The following GUCA1C variants were observed in gnomAD, a reference collection of about 807,000 sequenced individuals.
GUCA1C encodes the protein guanylate cyclase activator 1C, also known as guanylyl cyclase-activating protein 3.
A neutral mutation model predicts 16.2 loss-of-function variants in GUCA1C; 15 were observed. The ratio of observed to expected loss-of-function variants is 0.93; its 90% confidence interval spans 0.62 to 1.43. GUCA1C has a LOEUF of 1.43. Among genes scored for constraint, GUCA1C ranks in the 40% most tolerant of loss-of-function variants. The pLI, the probability that GUCA1C is intolerant of heterozygous loss-of-function variation, is 0.00. For synonymous variants in GUCA1C, 78 were observed against 85.4 expected (o/e 0.91, Z 0.48); for missense variants, 275 against 244.8 (o/e 1.12, Z -0.82).
intron 3 of GUCA1C, among the ~76,000 whole-genome samples, chr3:108,915,515 C>T (rs944442085): frequency 1.3e-5 from 2 of 152,082 alleles, no homozygotes; most frequent in African/African-American, 4.8e-5. Context: ...ACTCCTACCT[C>T]TGAAGAAGAA....
At chr3:108,910,041 C>T (rs1946433790) in intron 3 of GUCA1C, among the ~76,000 whole-genome samples, 2 of 152,218 alleles carry the variant, frequency 1.3e-5, no homozygotes, top group African/African-American at 2.4e-5. Context: ...GCTCAGAAGG[C>T]ACACACTGAC....
intron 1 of GUCA1C, among the ~76,000 whole-genome samples, chr3:108,934,818 T>TTC (rs960539194): frequency 7.3e-6 from 1 of 136,862 alleles, no homozygotes; most frequent in Non-Finnish European, 1.6e-5. Flanking sequence ...CTTTTTTTTT[T>TTC]TTTTTTTTTT....
At chr3:108,910,710 G>T (rs193269776) in intron 3 of GUCA1C, among the ~76,000 whole-genome samples, 17 of 151,202 alleles carry the variant, frequency 1.1e-4, no homozygotes, top group African/African-American at 3.6e-4. Context: ...AGTGCAGTGG[G>T]GCTATCTCGG....
intron 3 of GUCA1C, chr3:108,915,893 C>T (rs781514763): frequency 2.2e-5 from 12 of 536,146 alleles, no homozygotes; most frequent in African/African-American, 5.7e-5. Context: ...CTCATCTCAC[C>T]TTTACTCTTT....
chr3:108,923,210 G>A (rs1946585840), intron 1 of GUCA1C, among the ~76,000 whole-genome samples: 1 of 152,104 alleles, frequency 6.6e-6, no homozygotes, highest in South Asian at 2.1e-4. Flanking sequence ...TGTTGCATTT[G>A]CTTTTGGATT....
chr3:108,939,517 G>A (rs1946763956), intron 1 of GUCA1C, among the ~76,000 whole-genome samples: 2 of 151,298 alleles, frequency 1.3e-5, no homozygotes, highest in African/African-American at 4.9e-5. Flanking sequence ...AGTAGAGACA[G>A]GGTTTCACCA....
rs145814001 is a variant in GUCA1C, at chr3:108,913,331, T to C, written c.442+2796A>G. On this transcript the variant is annotated intron_variant, in intron 3 of 3. Coordinates refer to ENST00000261047, the MANE Select transcript of GUCA1C (RefSeq NM_005459.4). Reference sequence around the variant, plus strand: ...AATGCTGATGTTTTGATAACAATGATAATGAACAATAAAAAATTATATTTG... The same window carrying C: ...AATGCTGATGTTTTGATAACAATGACAATGAACAATAAAAAATTATATTTG... Among the ~76,000 whole-genome samples, 263 of 152,126 alleles carry C rather than the reference T, an allele frequency of 1.7e-3. 2 individuals are homozygous for C. Among genetic ancestry groups the C allele is most frequent in the African/African-American group, 6.1e-3 (255 of 41,516 alleles).
chr3:108,928,601 G>C, intron 1 of GUCA1C, among the ~76,000 whole-genome samples: 1 of 152,112 alleles, frequency 6.6e-6, no homozygotes, highest in Non-Finnish European at 1.5e-5. Flanking sequence ...GATTCATTTT[G>C]AGTAAATTTT....
intron 1 of GUCA1C, among the ~76,000 whole-genome samples, chr3:108,946,524 A>G (rs6801753): frequency 0.19 from 28,434 of 152,092 alleles, 2,764 homozygotes; most frequent in Middle Eastern, 0.27. Flanking sequence ...GCCTCATTGT[A>G]ATCAGCCTGA....
intron 2 of GUCA1C, among the ~76,000 whole-genome samples, chr3:108,916,907 T>C (rs750792459): frequency 3.9e-5 from 6 of 152,208 alleles, no homozygotes; most frequent in Non-Finnish European, 7.3e-5. Flanking sequence ...TGAACATAAC[T>C]ATCTTGATTG....
At chr3:108,927,409 G>A (rs1017888525) in intron 1 of GUCA1C, among the ~76,000 whole-genome samples, 1 of 149,934 alleles carries the variant, frequency 6.7e-6, no homozygotes, top group Non-Finnish European at 1.5e-5. Context: ...ACTTCTTGGA[G>A]GTTCTGTTCA....
intron 1 of GUCA1C, among the ~76,000 whole-genome samples, chr3:108,946,991 T>C (rs940573722): frequency 1.3e-5 from 2 of 152,048 alleles, no homozygotes; most frequent in Admixed American, 1.3e-4. Flanking sequence ...TAATAATGTG[T>C]ATTTCAAAAT....
intron 1 of GUCA1C, among the ~76,000 whole-genome samples, chr3:108,935,615 G>C (rs1559846121): frequency 6.6e-6 from 1 of 152,040 alleles, no homozygotes; most frequent in Non-Finnish European, 1.5e-5. Flanking sequence ...AGAATCGCTT[G>C]AACCTGGGAG....
rs1351637922 is a variant in GUCA1C, at chr3:108,908,137, C to T, written c.515G>A (p.Ser172Asn). 4 of 1,613,788 alleles carry T rather than the reference C, an allele frequency of 2.5e-6. No individual in the cohort carries two copies. Among genetic ancestry groups the T allele is most frequent in the East Asian group, 2.2e-5 (1 of 44,870 alleles). The change falls in exon 4 of 4, where the codon AGC becomes AAC. Residue 172 changes from serine (S) to asparagine (N), a missense_variant. Physicochemically the swap from Ser to Asn is conservative, Grantham distance 46. Transcript: ENST00000261047. The part of the protein sequence containing the change: ...DQDLLEIVYK[S>N]FDFSNVLRVI... ...TCTCAGCACATTGGAGAAGTCGAAG[C>T]TCTTGTAAACAATCTCCAGGAGATC...
At chr3:108,928,907 T>C (rs1467693297) in intron 1 of GUCA1C, among the ~76,000 whole-genome samples, 7 of 152,198 alleles carry the variant, frequency 4.6e-5, no homozygotes, top group Admixed American at 3.9e-4. Context: ...TTCAATATTA[T>C]ATTGGCGATT....
At chr3:108,939,649 A>G (rs1297899188) in intron 1 of GUCA1C, among the ~76,000 whole-genome samples, 1 of 150,132 alleles carries the variant, frequency 6.7e-6, no homozygotes, top group Admixed American at 6.6e-5. Context: ...TTTTTTTTTA[A>G]CCAGGACTGT....
At chr3:108,915,850 C>T (rs111357443) in intron 3 of GUCA1C, 11 of 441,636 alleles carry the variant, frequency 2.5e-5, no homozygotes, top group Middle Eastern at 5.6e-4. Context: ...GCAGAAGGTA[C>T]TTACTTCATC....
chr3:108,931,351 A>G (rs1366885177), intron 1 of GUCA1C, among the ~76,000 whole-genome samples: 1 of 152,236 alleles, frequency 6.6e-6, no homozygotes, highest in Non-Finnish European at 1.5e-5. Flanking sequence ...TCAGGCTTTA[A>G]GAGCTCTGGG....
chr3:108,953,681 T>C lies in GUCA1C; in HGVS notation c.82A>G (p.Met28Val). 1 of 1,612,884 alleles carries C rather than the reference T, an allele frequency of 6.2e-7. No homozygotes were observed. The highest frequency in any genetic ancestry group is 8.5e-7 in the Non-Finnish European group (1 of 1,178,848). ...GTTTGCAGGCCGGATGGATATTCCA[T>C]CATAAATGTTCTGTACCACACATGG... ...ETHVWYRTFM[M>V]EYPSGLQTLH... is the part of the protein sequence containing the mutation. Residue 28 changes from methionine to valine, a missense_variant, in exon 1 of 4, where the codon ATG (methionine) becomes GTG (valine). Physicochemically the swap from Met to Val is conservative, Grantham distance 21. Coordinates refer to ENST00000261047, the MANE Select transcript of GUCA1C (RefSeq NM_005459.4).
Sources: allele counts gnomAD v4.1 joint callset (sites outside exome capture counted in the v4.1 genomes callset), GRCh38; gene constraint gnomAD v4.1.1; transcripts MANE v1.5; gene names NCBI Gene and HGNC (gene_info 2026-07-23, HGNC 2026-07-21).